The following PRSS58 variants were observed in gnomAD, a reference collection of about 807,000 sequenced individuals.
PRSS58 encodes the protein serine protease 58.
A neutral mutation model predicts 25.0 loss-of-function variants in PRSS58; 31 were observed. The observed-to-expected ratio is 1.24, with a 90% CI of 0.93 to 1.67. The LOEUF (loss-of-function observed/expected upper bound fraction) is 1.67. PRSS58 is among the 40% of genes most tolerant of loss of function. PRSS58 has a pLI of 0.00. For synonymous variants in PRSS58, 119 were observed against 106.1 expected, an observed-to-expected ratio of 1.12 and a Z score of -0.75; for missense variants, 324 against 287.9, an observed-to-expected ratio of 1.13 and a Z score of -0.91.
At chr7:142,253,981 G>C (rs1260963053) in intron 4 of PRSS58, among the ~76,000 whole-genome samples, 1 of 152,104 alleles carries the variant, frequency 6.6e-6, no homozygotes, top group Non-Finnish European at 1.5e-5. Flanking sequence ...GTTTTAAAAG[G>C]CTTGAATCAT....
At chr7:142,252,443 G>A in intron 5 of PRSS58, 29 bp downstream of exon 5, 2 of 1,611,298 alleles carry the variant, frequency 1.2e-6, no homozygotes, top group Non-Finnish European at 1.7e-6. Context: ...GAAGAAAATG[G>A]GAAAATTAAT....
chr7:142,254,903 C>A, intron 4 of PRSS58, 152 bp downstream of exon 4: 4 of 714,030 alleles, frequency 5.6e-6, no homozygotes, highest in Non-Finnish European at 9.3e-6. Context: ...AACCCAAAAA[C>A]CTTGAAGCAC....
intron 2 of PRSS58, 132 bp from the exon 3 acceptor site, chr7:142,255,805 AC>A: frequency 1.5e-6 from 1 of 681,228 alleles, no homozygotes; most frequent in Non-Finnish European, 2.3e-6. Flanking sequence ...AAAATGACTT[AC>A]TTTGTTCTAA....
chr7:142,252,465 A>AT lies in PRSS58; in HGVS notation c.576+6dup. 6 of 1,613,246 alleles carry AT rather than the reference A, an allele frequency of 3.7e-6. No homozygotes were observed. Among genetic ancestry groups the AT allele is most frequent in the Non-Finnish European group, 5.1e-6 (6 of 1,179,772 alleles). On this transcript the variant is annotated splice_region_variant and intron_variant, in intron 5 of 5. Transcript: ENST00000547058. ...ATGGGAAAATTAATGGATGAAGAGT[A>AT]TTTTACCTTGCAGGGCTGCCTCCTT...
At chr7:142,253,419 T>C (rs1798500683) in intron 4 of PRSS58, among the ~76,000 whole-genome samples, 1 of 152,188 alleles carries the variant, frequency 6.6e-6, no homozygotes, top group South Asian at 2.1e-4. Context: ...CTAATTAAAG[T>C]TCTTTTCTTT....
At chr7:142,252,672 T>C in intron 4 of PRSS58, 61 bp from the exon 5 acceptor site, 4 of 1,525,636 alleles carry the variant, frequency 2.6e-6, no homozygotes, top group Non-Finnish European at 3.5e-6. Context: ...AAACTTCTTT[T>C]AAAAAACTTT....
chr7:142,257,891 T>C (rs547501804), intron 1 of PRSS58, 100 bp downstream of exon 1: 5 of 600,738 alleles, frequency 8.3e-6, no homozygotes, highest in Admixed American at 2.9e-5. Flanking sequence ...GCGTCATCTG[T>C]CAGAGAGACA....
Sources: gnomAD v4.1 joint callset for allele counts (sites outside exome capture counted in the v4.1 genomes callset) on GRCh38, gnomAD v4.1.1 for gene constraint, MANE v1.5 for transcripts, NCBI Gene and HGNC (gene_info 2026-07-23, HGNC 2026-07-21) for gene names.